The following MARCHF1 variants were observed in gnomAD, a reference collection of about 807,000 sequenced individuals.
The protein encoded by MARCHF1 is E3 ubiquitin-protein ligase MARCHF1.
Under a neutral mutation model 54.2 loss-of-function variants are expected in MARCHF1, and 40 were observed. The observed-to-expected ratio is 0.74, with a 90% CI of 0.57 to 0.96. The LOEUF is 0.96. MARCHF1 is among the 40% of genes least tolerant of loss of function. The pLI is 0.00. For missense variants in MARCHF1, 586 were observed against 656.5 expected, an observed-to-expected ratio of 0.89 and a Z score of 1.17; for synonymous variants, 236 against 236.3, an observed-to-expected ratio of 1.00 and a Z score of 0.01.
intron 1 of MARCHF1, among the ~76,000 whole-genome samples, chr4:164,170,828 G>C (rs975250978): frequency 6.6e-6 from 1 of 152,130 alleles, no homozygotes; most frequent in Admixed American, 6.6e-5. Context: ...GTGGAGGTGA[G>C]AAGAAATGTG....
chr4:164,239,703 C>T (rs1732669863), intron 1 of MARCHF1, among the ~76,000 whole-genome samples: 1 of 152,128 alleles, frequency 6.6e-6, no homozygotes. Flanking sequence ...GACACCATGA[C>T]ACCTTAAGTA....
intron 2 of MARCHF1, among the ~76,000 whole-genome samples, chr4:164,022,936 G>A (rs1159452328): frequency 1.3e-5 from 2 of 152,210 alleles, no homozygotes; most frequent in Non-Finnish European, 2.9e-5. Context: ...GGACTTTTCT[G>A]GAATCCTGGG....
intron 2 of MARCHF1, among the ~76,000 whole-genome samples, chr4:164,059,851 A>G (rs1754576355): frequency 6.6e-6 from 1 of 152,166 alleles, no homozygotes; most frequent in Non-Finnish European, 1.5e-5. Context: ...TCATCTTAAT[A>G]TGTTTCATAA....
intron 7 of MARCHF1, among the ~76,000 whole-genome samples, chr4:163,609,940 G>A (rs1414949884): frequency 1.3e-5 from 2 of 151,948 alleles, no homozygotes; most frequent in African/African-American, 4.8e-5. Flanking sequence ...ATTTTAAAGA[G>A]TTATTTTTTA....
rs70952622 is a variant in MARCHF1 at position 164,323,597 on chromosome 4, C to CAAAA, written c.-323+60269_-323+60272dup. ...CACTGATTAAGGAGAGGATGAGTAG[C>CAAAA]AAAAAAAAAAAAAAAAAAAAAAAAA... On this transcript the variant is annotated intron_variant, in intron 1 of 9. Coordinates refer to ENST00000514618, the MANE Select transcript of MARCHF1 (RefSeq NM_001394959.1). 9.7e-4 allele frequency among the ~76,000 whole-genome samples: 30 copies of CAAAA among 30,946 alleles called. 7 individuals carry two copies. The highest frequency in any genetic ancestry group is 3.9e-3 in the African/African-American group (25 of 6,458). 20.3% of individuals were successfully genotyped at this position (30,946 alleles called of 152,430 possible).
At chr4:164,190,933 A>C (rs1731107629) in intron 1 of MARCHF1, among the ~76,000 whole-genome samples, 1 of 152,080 alleles carries the variant, frequency 6.6e-6, no homozygotes, top group Admixed American at 6.6e-5. Flanking sequence ...ATCAAGAAGC[A>C]ATTGTTTTTA....
intron 4 of MARCHF1, among the ~76,000 whole-genome samples, chr4:163,796,072 GT>G (rs1391489146): frequency 6.6e-6 from 1 of 152,088 alleles, no homozygotes; most frequent in Non-Finnish European, 1.5e-5. Flanking sequence ...AAAAAGAGGG[GT>G]TGGTTTTGCT....
chr4:164,107,765 T>C (rs1755738928), intron 2 of MARCHF1, among the ~76,000 whole-genome samples: 1 of 151,612 alleles, frequency 6.6e-6, no homozygotes, highest in South Asian at 2.1e-4. Context: ...CAGTATAAAA[T>C]GAAAAAGAAT....
At chr4:163,532,563 C>T (rs534683020) in intron 9 of MARCHF1, among the ~76,000 whole-genome samples, 1 of 151,910 alleles carries the variant, frequency 6.6e-6, no homozygotes, top group South Asian at 2.1e-4. Context: ...AAAACTAAAA[C>T]CTTTTGCTCT....
intron 5 of MARCHF1, among the ~76,000 whole-genome samples, chr4:163,687,855 T>C (rs981604933): frequency 6.6e-6 from 1 of 152,238 alleles, no homozygotes; most frequent in African/African-American, 2.4e-5. Context: ...CATTTCTTCA[T>C]GTAGCTTTGG....
intron 3 of MARCHF1, among the ~76,000 whole-genome samples, chr4:163,939,329 A>T (rs577534904): frequency 2.0e-5 from 3 of 152,276 alleles, no homozygotes; most frequent in Non-Finnish European, 2.9e-5. Flanking sequence ...TGTATCCTTG[A>T]TAATTATTTA....
chr4:163,916,953 G>A (rs1293177558), intron 3 of MARCHF1, among the ~76,000 whole-genome samples: 2 of 152,010 alleles, frequency 1.3e-5, no homozygotes, highest in African/African-American at 4.8e-5. Context: ...ACCATTATAG[G>A]ATCACACAGA....
At position 163,638,263 on chromosome 4, in the gene MARCHF1, A is replaced by T. The variant is rs994679242; in HGVS notation, c.163-24870T>A. 2.2e-3 allele frequency among the ~76,000 whole-genome samples: 341 copies of T among 152,132 alleles called. 1 individual carries two copies. The highest frequency in any genetic ancestry group is 7.8e-3 in the African/African-American group (324 of 41,506). On this transcript the variant is annotated intron_variant, in intron 5 of 9. Coordinates refer to ENST00000514618, the MANE Select transcript of MARCHF1 (RefSeq NM_001394959.1). ...ATAATAAAAAAAAAAATTAAAAAAA[A>T]AAAAAGAAATGTAATCCCAGTGTTG...
chr4:163,594,223 G>A (rs191080974), intron 7 of MARCHF1, among the ~76,000 whole-genome samples: 1 of 152,176 alleles, frequency 6.6e-6, no homozygotes, highest in East Asian at 1.9e-4. Context: ...AATATACTAG[G>A]CATAGAAGAT....
At chr4:164,337,251 T>G (rs923138738) in intron 1 of MARCHF1, among the ~76,000 whole-genome samples, 1 of 152,176 alleles carries the variant, frequency 6.6e-6, no homozygotes, top group Non-Finnish European at 1.5e-5. Context: ...ACTGTGGGAT[T>G]TGGGTGTCCC....
intron 8 of MARCHF1, among the ~76,000 whole-genome samples, chr4:163,553,450 A>G (rs1331372015): frequency 6.6e-6 from 1 of 152,202 alleles, no homozygotes; most frequent in Non-Finnish European, 1.5e-5. Context: ...TGTTTTTCGG[A>G]ATACTGAGTC....
At chr4:163,800,629 T>C (rs1299900326) in intron 4 of MARCHF1, among the ~76,000 whole-genome samples, 1 of 152,058 alleles carries the variant, frequency 6.6e-6, no homozygotes, top group African/African-American at 2.4e-5. Context: ...CAAAATATAT[T>C]TGACTTCCTT....
intron 5 of MARCHF1, among the ~76,000 whole-genome samples, chr4:163,659,452 A>G (rs970036674): frequency 2.6e-5 from 4 of 152,124 alleles, no homozygotes; most frequent in African/African-American, 7.2e-5. Context: ...TTAAAACCCT[A>G]GAAGAAAACC....
At chr4:163,600,284 A>G (rs544448750) in intron 7 of MARCHF1, among the ~76,000 whole-genome samples, 1 of 152,266 alleles carries the variant, frequency 6.6e-6, no homozygotes, top group Admixed American at 6.5e-5. Flanking sequence ...ATTAGGCTAA[A>G]AATCAGTGGT....
Sources: allele counts gnomAD v4.1 joint callset (sites outside exome capture counted in the v4.1 genomes callset), GRCh38; gene constraint gnomAD v4.1.1; transcripts MANE v1.5; gene names NCBI Gene and HGNC (gene_info 2026-07-23, HGNC 2026-07-21).